Variants in CACNA2D3 observed in about 807,000 individuals in gnomAD.
The protein encoded by CACNA2D3 is calcium voltage-gated channel auxiliary subunit alpha2delta 3.
In CACNA2D3, 60 loss-of-function variants were observed where a neutral mutation model predicts 160.6. That is an observed-to-expected ratio of 0.37 (90% CI 0.30 to 0.46). The LOEUF is 0.46. Among genes scored for constraint, CACNA2D3 ranks in the 20% least tolerant of loss-of-function variants. The pLI, the probability that CACNA2D3 is intolerant of heterozygous loss-of-function variation, is 1.00. For missense variants in CACNA2D3, 1,205 were observed against 1,365.0 expected, an observed-to-expected ratio of 0.88 and a Z score of 1.85; for synonymous variants, 558 against 492.9, an observed-to-expected ratio of 1.13 and a Z score of -1.75.
chr3:54,837,559 G>A (rs1193175054), intron 15 of CACNA2D3, among the ~76,000 whole-genome samples: 1 of 152,084 alleles, frequency 6.6e-6, no homozygotes, highest in Non-Finnish European at 1.5e-5. Flanking sequence ...GGGCTGTTAG[G>A]AATGAAGTGC....
intron 27 of CACNA2D3, among the ~76,000 whole-genome samples, chr3:54,933,336 T>TC (rs1559635796): frequency 6.6e-6 from 1 of 152,216 alleles, no homozygotes. Context: ...TTATTTCTCT[T>TC]ATCACAGTCT....
intron 14 of CACNA2D3, among the ~76,000 whole-genome samples, chr3:54,835,089 C>T (rs1001272121): frequency 1.3e-5 from 2 of 152,182 alleles, no homozygotes; most frequent in Non-Finnish European, 2.9e-5. Flanking sequence ...CAAGTTGACA[C>T]ATAAAATTAA....
At chr3:54,324,071 A>G (rs1217941221) in intron 3 of CACNA2D3, among the ~76,000 whole-genome samples, 2 of 152,196 alleles carry the variant, frequency 1.3e-5, no homozygotes, top group African/African-American at 4.8e-5. Flanking sequence ...TACAATAACA[A>G]CACCTTTAGT....
In CACNA2D3 at chr3:54,778,999, G is replaced by T. The variant is rs1702480594; in HGVS notation, c.1380+14648G>T. Reference sequence around the variant, plus strand: ...ATGTGTCCACGGTTTGAGGAGCTAAGATAATGGCATTCTGACATATCAGCT... The same window carrying T: ...ATGTGTCCACGGTTTGAGGAGCTAATATAATGGCATTCTGACATATCAGCT... On this transcript the variant is annotated intron_variant, in intron 13 of 37. Coordinates refer to ENST00000474759, the MANE Select transcript of CACNA2D3 (RefSeq NM_018398.3). Among the ~76,000 whole-genome samples, 3 of 152,190 alleles carry T rather than the reference G, an allele frequency of 2.0e-5. No homozygotes were observed. The South Asian group carries it at 6.2e-4, about 31-fold the overall frequency.
chr3:54,285,400 C>T (rs1329533864), intron 2 of CACNA2D3, among the ~76,000 whole-genome samples: 1 of 152,200 alleles, frequency 6.6e-6, no homozygotes, highest in Non-Finnish European at 1.5e-5. Context: ...CTGCCATTCC[C>T]CAGGCTTGAT....
chr3:54,481,720 T>G (rs555361633), intron 4 of CACNA2D3, among the ~76,000 whole-genome samples: 1 of 152,234 alleles, frequency 6.6e-6, no homozygotes, highest in Non-Finnish European at 1.5e-5. Flanking sequence ...TTCCATTTGC[T>G]TAGGCTTTAT....
At chr3:54,182,020 A>G (rs1214886166) in intron 2 of CACNA2D3, among the ~76,000 whole-genome samples, 1 of 152,170 alleles carries the variant, frequency 6.6e-6, no homozygotes, top group East Asian at 1.9e-4. Flanking sequence ...TGAAATGTCG[A>G]TAAATACACC....
At chr3:54,346,541 G>A (rs1218299238) in intron 3 of CACNA2D3, among the ~76,000 whole-genome samples, 1 of 152,140 alleles carries the variant, frequency 6.6e-6, no homozygotes, top group Non-Finnish European at 1.5e-5. Context: ...GTTCTTGGGA[G>A]AACAGGTTTA....
At chr3:54,479,694 A>C (rs1243894972) in intron 4 of CACNA2D3, among the ~76,000 whole-genome samples, 1 of 152,178 alleles carries the variant, frequency 6.6e-6, no homozygotes, top group East Asian at 1.9e-4. Context: ...CAGCCATAGA[A>C]ATGTCATGAC....
At chr3:54,343,203 G>T (rs1036945474) in intron 3 of CACNA2D3, among the ~76,000 whole-genome samples, 1 of 152,084 alleles carries the variant, frequency 6.6e-6, no homozygotes, top group Non-Finnish European at 1.5e-5. Flanking sequence ...CCCCTCCCAC[G>T]AGGAGATTGT....
chr3:54,189,255 T>A (rs765366097), intron 2 of CACNA2D3, among the ~76,000 whole-genome samples: 4 of 152,164 alleles, frequency 2.6e-5, no homozygotes, highest in Non-Finnish European at 5.9e-5. Context: ...GCTTGGATAG[T>A]CATAGCTGAA....
At chr3:54,998,869 C>G (rs1223256444) in intron 31 of CACNA2D3, among the ~76,000 whole-genome samples, 4 of 152,038 alleles carry the variant, frequency 2.6e-5, no homozygotes, top group Admixed American at 2.6e-4. Context: ...GCCTAAGCCT[C>G]CCGAGTAGCT....
chr3:54,882,771 C>A (rs145173387), intron 21 of CACNA2D3, among the ~76,000 whole-genome samples: 25 of 152,224 alleles, frequency 1.6e-4, no homozygotes, highest in African/African-American at 5.8e-4. Flanking sequence ...CTCTTCTGTT[C>A]TTGGAGAGGG....
chr3:54,765,070 C>CCT (rs1218798239), intron 13 of CACNA2D3, among the ~76,000 whole-genome samples: 1 of 152,136 alleles, frequency 6.6e-6, no homozygotes, highest in Non-Finnish European at 1.5e-5. Context: ...TCTCACAGGG[C>CCT]CTCTCTCCAG....
chr3:54,976,512 G>A (rs1014330736), intron 29 of CACNA2D3, among the ~76,000 whole-genome samples: 45 of 152,022 alleles, frequency 3.0e-4, no homozygotes, highest in African/African-American at 1.0e-3. Flanking sequence ...CAACATCTCA[G>A]TTTTCTCTTC....
In CACNA2D3 at chr3:54,771,922, C is replaced by G. The variant is rs149028980; in HGVS notation, c.1380+7571C>G. The stretch of plus-strand genomic sequence containing the variant: ...GGAAAGATAATGCCAGAAGGAAATG[C>G]AACCATATCTCCTGCAAACTGTCAA... On this transcript the variant is annotated intron_variant, in intron 13 of 37. Coordinates refer to ENST00000474759, the MANE Select transcript of CACNA2D3 (RefSeq NM_018398.3). 1.8e-3 allele frequency among the ~76,000 whole-genome samples: 272 copies of G among 152,124 alleles called. 2 individuals carry two copies. Among genetic ancestry groups the G allele is most frequent in the African/African-American group, 5.9e-3 (245 of 41,500 alleles).
chr3:54,722,958 G>A (rs1321547011), intron 11 of CACNA2D3, among the ~76,000 whole-genome samples: 1 of 152,208 alleles, frequency 6.6e-6, no homozygotes, highest in Admixed American at 6.5e-5. Flanking sequence ...AGAGCCATCA[G>A]GCAGGGACAC....
intron 4 of CACNA2D3, among the ~76,000 whole-genome samples, chr3:54,436,223 A>G (rs746735952): frequency 1.2e-4 from 18 of 152,260 alleles, no homozygotes; most frequent in Non-Finnish European, 2.4e-4. Flanking sequence ...CAAAACCACA[A>G]TGAGATAACA....
At chr3:54,798,339 C>A (rs1702911728) in intron 13 of CACNA2D3, among the ~76,000 whole-genome samples, 1 of 151,964 alleles carries the variant, frequency 6.6e-6, no homozygotes, top group South Asian at 2.1e-4. Flanking sequence ...TTGAGACCAC[C>A]CTGGCCAACA....
Sources: allele counts gnomAD v4.1 joint callset (sites outside exome capture counted in the v4.1 genomes callset), GRCh38; gene constraint gnomAD v4.1.1; transcripts MANE v1.5; gene names NCBI Gene and HGNC (gene_info 2026-07-23, HGNC 2026-07-21).